Variants in TRDMT1 observed in about 807,000 individuals in gnomAD.
TRDMT1 encodes the protein tRNA (cytosine(38)-C(5))-methyltransferase.
Under a neutral mutation model 51.2 loss-of-function variants are expected in TRDMT1, and 49 were observed. That is an observed-to-expected ratio of 0.96 (90% confidence interval 0.76 to 1.21). The LOEUF (loss-of-function observed/expected upper bound fraction) is 1.21, where lower values mean the gene tolerates loss of function less well. TRDMT1 is among the 50% of genes most tolerant of loss of function. The pLI is 0.00. For missense variants in TRDMT1, 534 were observed against 462.3 expected (o/e 1.16, Z -1.42); for synonymous variants, 187 against 164.6 (o/e 1.14, Z -1.04).
chr10:17,175,403 T>G (rs1842503567), intron 1 of TRDMT1, among the ~76,000 whole-genome samples: 1 of 152,210 alleles, frequency 6.6e-6, no homozygotes, highest in Admixed American at 6.5e-5. Context: ...TTCTTTAATG[T>G]TAGCCGAAAT....
chr10:17,150,967 A>G (rs986417168), intron 10 of TRDMT1: 249 of 985,138 alleles, frequency 2.5e-4, no homozygotes, highest in Non-Finnish European at 2.9e-4. Flanking sequence ...TTGAAAACAA[A>G]TAAGTAAGAT....
At chr10:17,199,738 A>C (rs531172940) in intron 1 of TRDMT1, among the ~76,000 whole-genome samples, 16 of 152,364 alleles carry the variant, frequency 1.1e-4, no homozygotes, top group Non-Finnish European at 1.5e-5. Flanking sequence ...TGCTAGAAGG[A>C]AAACGGAGTA....
At chr10:17,154,537 A>T (rs1839231356) in intron 9 of TRDMT1, 140 bp downstream of exon 9, 1 of 420,138 alleles carries the variant, frequency 2.4e-6, no homozygotes, top group Non-Finnish European at 4.0e-6. Context: ...AAAATATTAT[A>T]TATATGAATA....
At chr10:17,159,063 G>A in intron 7 of TRDMT1, 83 bp downstream of exon 7, 1 of 928,010 alleles carries the variant, frequency 1.1e-6, no homozygotes. Context: ...ACACAAAGTA[G>A]TTCTTGAAAA....
Position 17,144,222 on chromosome 10 carries a change from A to T in TRDMT1, c.*4818T>A, listed in dbSNP as rs1837916978. 1 of 985,580 alleles carries T rather than the reference A, an allele frequency of 1.0e-6. No homozygotes were observed. The highest frequency in any genetic ancestry group is 4.7e-5 in the South Asian group (1 of 21,282). 61.1% of individuals were successfully genotyped at this position (985,580 alleles called of 1,614,324 possible). ...TCTAGGTGATCTCATCTGATTATAG[A>T]GCTAATTTAGCTAAACAAACATGTT... is the stretch of plus-strand genomic sequence containing the variant. On this transcript the variant is annotated 3_prime_UTR_variant, in exon 11 of 11. Coordinates refer to ENST00000377799, the MANE Select transcript of TRDMT1 (RefSeq NM_004412.7).
At chr10:17,179,369 G>C (rs565973988) in intron 1 of TRDMT1, among the ~76,000 whole-genome samples, 23 of 152,198 alleles carry the variant, frequency 1.5e-4, no homozygotes, top group African/African-American at 5.3e-4. Flanking sequence ...ATTACCCTTA[G>C]TCCTGAGGAT....
At chr10:17,151,254 T>TA (rs1838692824) in intron 10 of TRDMT1, 2 of 963,582 alleles carry the variant, frequency 2.1e-6, no homozygotes, top group South Asian at 9.6e-5. Context: ...AGACAACTTT[T>TA]AAAAAACTTA....
chr10:17,174,629 G>A lies in TRDMT1; in HGVS notation c.96C>T (p.Ala32=), dbSNP rs747588329. 5.0e-6 allele frequency: 8 copies of A among 1,613,834 alleles called. No homozygotes were observed. Among genetic ancestry groups the A allele is most frequent in the South Asian group, 1.1e-5 (1 of 91,058 alleles). ...ESCIPAQVVA[A]IDVNTVANEV... Reference sequence around the variant, plus strand: ...CATTAGCGACAGTGTTGACATCAATGGCAGCCACCACTTGTGCAGGTATAC... The same window carrying A: ...CATTAGCGACAGTGTTGACATCAATAGCAGCCACCACTTGTGCAGGTATAC... Residue 32 remains alanine (A), a synonymous_variant, in exon 2 of 11, where the codon GCC becomes GCT. Transcript: ENST00000377799.
intron 6 of TRDMT1, 83 bp from the exon 7 acceptor site, chr10:17,159,312 A>T (rs1399506010): frequency 1.0e-6 from 1 of 957,406 alleles, no homozygotes; most frequent in Non-Finnish European, 1.6e-6. Context: ...AACAGCAACA[A>T]CAAAAAACTC....
At chr10:17,176,302 T>A (rs1842611275) in intron 1 of TRDMT1, among the ~76,000 whole-genome samples, 1 of 152,220 alleles carries the variant, frequency 6.6e-6, no homozygotes, top group African/African-American at 2.4e-5. Context: ...CAAACTGGGA[T>A]TGCCTGACAT....
intron 3 of TRDMT1, among the ~76,000 whole-genome samples, chr10:17,166,358 C>T (rs1200726457): frequency 7.7e-5 from 7 of 91,484 alleles, no homozygotes; most frequent in East Asian, 7.4e-4. Flanking sequence ...CATCACACAC[C>T]GGGGCCTGTT....
chr10:17,161,626 G>T, intron 4 of TRDMT1, 78 bp from the exon 5 acceptor site: 2 of 776,372 alleles, frequency 2.6e-6, no homozygotes, highest in Non-Finnish European at 3.6e-6. Flanking sequence ...TTACTTGTGG[G>T]AAATACGAGG....
intron 1 of TRDMT1, among the ~76,000 whole-genome samples, chr10:17,180,675 A>G (rs1053739667): frequency 5.3e-5 from 8 of 152,206 alleles, no homozygotes; most frequent in Non-Finnish European, 1.0e-4. Flanking sequence ...GAGAGAAACT[A>G]GTATTTCCTA....
rs757901432 is a variant in TRDMT1 at position 17,157,545 on chromosome 10, A to G, written c.783T>C (p.Thr261=). 6.2e-7 allele frequency: 1 copy of G among 1,614,118 alleles called. No homozygotes were observed. The highest frequency in any genetic ancestry group is 1.1e-5 in the South Asian group (1 of 91,082). The change falls in exon 8 of 11, where the codon ACT becomes ACC. Residue 261 remains threonine, a synonymous_variant. Coordinates refer to ENST00000377799, the MANE Select transcript of TRDMT1 (RefSeq NM_004412.7). ...KMLKDFLEDD[T]DVNQYLLPPK... ...GTGGTAAAAGATACTGGTTCACGTC[A>G]GTGTCATCTTCAAGAAAATCTTTTA...
Position 17,143,981 on chromosome 10 carries a change from T to C in TRDMT1, c.*5059A>G. The C allele has an allele frequency of 1.0e-6, 1 of 985,414 alleles. No individual in the cohort carries two copies. Among genetic ancestry groups the C allele is most frequent in the South Asian group, 4.7e-5 (1 of 21,284 alleles). The allele number at this position is 985,414 out of a possible 1,614,324, so 61.0% of individuals were successfully genotyped here. On this transcript the variant is annotated 3_prime_UTR_variant, in exon 11 of 11. Coordinates refer to ENST00000377799, the MANE Select transcript of TRDMT1 (RefSeq NM_004412.7). Reference sequence around the variant, plus strand: ...AGTTAAAAATGTCCCAGCATGAAGATTCTAGAATAGGACTTAGGAAAACAG... The same window carrying C: ...AGTTAAAAATGTCCCAGCATGAAGACTCTAGAATAGGACTTAGGAAAACAG...
chr10:17,188,314 C>A (rs1175535629), intron 1 of TRDMT1, among the ~76,000 whole-genome samples: 1 of 152,202 alleles, frequency 6.6e-6, no homozygotes, highest in South Asian at 2.1e-4. Context: ...CCCCTGACTA[C>A]TGAACGGGAC....
chr10:17,162,565 G>T (rs1297310328), intron 3 of TRDMT1, among the ~76,000 whole-genome samples: 2 of 152,078 alleles, frequency 1.3e-5, no homozygotes, highest in Admixed American at 1.3e-4. Context: ...AAATTAGGCC[G>T]AGCGTGGTGG....
chr10:17,162,836 AAAACAAT>A (rs1205492768), intron 3 of TRDMT1, among the ~76,000 whole-genome samples: 1 of 152,216 alleles, frequency 6.6e-6, no homozygotes, highest in Non-Finnish European at 1.5e-5. Context: ...TTATCTTTAT[AAAACAAT>A]ATGACAAATG....
At chr10:17,150,738 T>A (rs1838587596) in intron 10 of TRDMT1, 1 of 985,006 alleles carries the variant, frequency 1.0e-6, no homozygotes. Flanking sequence ...ACACTTGACA[T>A]TTTATTAACT....
Sources: allele counts gnomAD v4.1 joint callset (sites outside exome capture counted in the v4.1 genomes callset), GRCh38; gene constraint gnomAD v4.1.1; transcripts MANE v1.5; gene names NCBI Gene and HGNC (gene_info 2026-07-23, HGNC 2026-07-21).